FMN2: variants seen among roughly 807,000 people sequenced by gnomAD.
The protein encoded by FMN2 is formin-2.
A neutral mutation model predicts 142.3 loss-of-function variants in FMN2; 51 were observed. The observed-to-expected ratio is 0.36, with a 90% confidence interval of 0.29 to 0.45. The LOEUF is 0.45. Among genes scored for constraint, FMN2 ranks in the 20% least tolerant of loss-of-function variants. The pLI, the probability that FMN2 is intolerant of heterozygous loss-of-function variation, is 1.00. For synonymous variants in FMN2, 882 were observed against 869.8 expected, an observed-to-expected ratio of 1.01 and a Z score of -0.25; for missense variants, 1,936 against 2,122.8, an observed-to-expected ratio of 0.91 and a Z score of 1.73.
At chr1:240,197,397 C>T (rs1401221181) in intron 4 of FMN2, among the ~76,000 whole-genome samples, 1 of 152,074 alleles carries the variant, frequency 6.6e-6, no homozygotes, top group Non-Finnish European at 1.5e-5. Flanking sequence ...GCTGGTCTAA[C>T]ACATTGAACC....
chr1:240,103,916 C>CG (rs1173538035), intron 1 of FMN2, among the ~76,000 whole-genome samples: 2 of 151,542 alleles, frequency 1.3e-5, no homozygotes, highest in Non-Finnish European at 2.9e-5. Flanking sequence ...CTTGCTCTAT[C>CG]CCCAGGCTGG....
chr1:240,318,750 A>G (rs1459963382), intron 8 of FMN2, among the ~76,000 whole-genome samples: 1 of 152,226 alleles, frequency 6.6e-6, no homozygotes. Flanking sequence ...GATTTAGGGG[A>G]GACCAATCAG....
intron 2 of FMN2, among the ~76,000 whole-genome samples, chr1:240,139,694 G>A (rs976000339): frequency 5.9e-5 from 9 of 152,212 alleles, no homozygotes; most frequent in Admixed American, 1.3e-4. Context: ...CCAGTGGAGC[G>A]CTGAGAGCGC....
At chr1:240,123,990 A>T (rs1180335945) in intron 2 of FMN2, among the ~76,000 whole-genome samples, 4 of 152,220 alleles carry the variant, frequency 2.6e-5, no homozygotes, top group African/African-American at 4.8e-5. Flanking sequence ...ATGTTGGAGC[A>T]TGTGTCAGAA....
intron 1 of FMN2, among the ~76,000 whole-genome samples, chr1:240,107,200 A>G (rs755965214): frequency 2.0e-5 from 3 of 152,048 alleles, no homozygotes; most frequent in Non-Finnish European, 4.4e-5. Flanking sequence ...TGGTCTTGAG[A>G]AGAGCAATTT....
chr1:240,144,257 G>A (rs1461677286), intron 2 of FMN2: 2 of 1,596,882 alleles, frequency 1.3e-6, no homozygotes, highest in Admixed American at 3.3e-5. Context: ...CACAAAAGAG[G>A]AGGCCAGGTT....
At chr1:240,412,070 A>G (rs1292121636) in intron 15 of FMN2, among the ~76,000 whole-genome samples, 2 of 152,174 alleles carry the variant, frequency 1.3e-5, no homozygotes, top group East Asian at 3.9e-4. Context: ...GAGAAATACC[A>G]TATTTGAGTT....
intron 13 of FMN2, among the ~76,000 whole-genome samples, chr1:240,352,985 C>T (rs576667098): frequency 2.0e-5 from 3 of 152,272 alleles, no homozygotes; most frequent in South Asian, 2.1e-4. Flanking sequence ...AGGCAGGTTA[C>T]GTCACTGTAG....
chr1:240,329,278 A>T, intron 9 of FMN2, 61 bp from the exon 10 acceptor site: 1 of 1,588,356 alleles, frequency 6.3e-7, no homozygotes, highest in South Asian at 1.1e-5. Context: ...GAATGAGATG[A>T]GGATAAACAT....
At chr1:240,160,517 A>G (rs904551721) in intron 2 of FMN2, among the ~76,000 whole-genome samples, 2 of 150,110 alleles carry the variant, frequency 1.3e-5, no homozygotes, top group South Asian at 2.1e-4. Flanking sequence ...TATATATATA[A>G]TGATTCTCCC....
chr1:240,400,829 AATAC>A (rs1283674957), intron 15 of FMN2: 1 of 152,182 alleles, frequency 6.6e-6, no homozygotes, highest in Non-Finnish European at 1.5e-5. Context: ...ATTGAAACAA[AATAC>A]ATACACAGGC....
chr1:240,276,876 C>T, intron 7 of FMN2, among the ~76,000 whole-genome samples: 1 of 152,122 alleles, frequency 6.6e-6, no homozygotes, highest in East Asian at 1.9e-4. Context: ...GAGGCTCTGC[C>T]TGGAAAGGGG....
chr1:240,241,171 C>A (rs1667882619), intron 6 of FMN2, among the ~76,000 whole-genome samples: 1 of 151,374 alleles, frequency 6.6e-6, no homozygotes, highest in East Asian at 1.9e-4. Context: ...TACCTAATGC[C>A]ATTTTGTTTC....
intron 2 of FMN2, chr1:240,171,123 C>A (rs1210021900): frequency 1.4e-6 from 2 of 1,402,862 alleles, no homozygotes; most frequent in East Asian, 2.3e-5. Context: ...AAGGCACTGC[C>A]TTTGGAGGGT....
At chr1:240,287,153 G>A (rs910473948) in intron 7 of FMN2, among the ~76,000 whole-genome samples, 6 of 152,176 alleles carry the variant, frequency 3.9e-5, no homozygotes, top group Admixed American at 1.3e-4. Context: ...TGTCCTCGTC[G>A]TCCTGATTTT....
chr1:240,184,883 C>A (rs910298840), intron 3 of FMN2, among the ~76,000 whole-genome samples: 1 of 151,916 alleles, frequency 6.6e-6, no homozygotes, highest in East Asian at 1.9e-4. Context: ...ATCAATTTCT[C>A]TCCGCTCCCT....
intron 13 of FMN2, among the ~76,000 whole-genome samples, chr1:240,346,271 T>TTAA (rs147700048): frequency 6.6e-6 from 1 of 151,872 alleles, no homozygotes; most frequent in Non-Finnish European, 1.5e-5. Context: ...CAGTAAGAAA[T>TTAA]TAATAATAAT....
At chr1:240,402,280 A>G (rs1394147965) in intron 15 of FMN2, among the ~76,000 whole-genome samples, 1 of 152,222 alleles carries the variant, frequency 6.6e-6, no homozygotes, top group African/African-American at 2.4e-5. Context: ...ATCATTTTTC[A>G]TATTCCATTT....
intron 1 of FMN2, among the ~76,000 whole-genome samples, chr1:240,111,697 C>G (rs1661813261): frequency 6.6e-6 from 1 of 152,130 alleles, no homozygotes; most frequent in African/African-American, 2.4e-5. Flanking sequence ...TGACCTCCTA[C>G]TCATCCTGTG....
Sources: allele counts gnomAD v4.1 joint callset (sites outside exome capture counted in the v4.1 genomes callset), GRCh38; gene constraint gnomAD v4.1.1; transcripts MANE v1.5; gene names NCBI Gene and HGNC (gene_info 2026-07-23, HGNC 2026-07-21).